PCDHGA4: variants seen among roughly 807,000 people sequenced by gnomAD.
PCDHGA4 encodes the protein protocadherin gamma subfamily A, 4, also known as protocadherin gamma-A4.
PCDHGA4 carries 38 observed loss-of-function variants against 54.6 expected under a neutral mutation model. The ratio of observed to expected loss-of-function variants is 0.70; its 90% confidence interval spans 0.54 to 0.91. The LOEUF (loss-of-function observed/expected upper bound fraction) is 0.91. PCDHGA4 is among the 40% of genes least tolerant of loss of function. The pLI is 0.00. For synonymous variants in PCDHGA4, 511 were observed against 512.9 expected (o/e 1.00, Z 0.05); for missense variants, 1,298 against 1,220.9 (o/e 1.06, Z -0.94).
chr5:141,438,659 T>C (rs1290256383), intron 1 of PCDHGA4, among the ~76,000 whole-genome samples: 1 of 141,194 alleles, frequency 7.1e-6, no homozygotes, highest in East Asian at 2.1e-4. Flanking sequence ...CACATATATG[T>C]ATATATATAT....
intron 1 of PCDHGA4, chr5:141,360,661 G>T (rs779342119): frequency 6.2e-7 from 1 of 1,613,944 alleles, no homozygotes; most frequent in Middle Eastern, 1.6e-4. Flanking sequence ...TAATGACAAC[G>T]AGTACTTTGA....
At chr5:141,410,535 A>T (rs2095405545) in intron 1 of PCDHGA4, 9 of 1,613,752 alleles carry the variant, frequency 5.6e-6, no homozygotes, top group Non-Finnish European at 7.6e-6. Context: ...TCCAATGAAG[A>T]CATGGTTTGC....
chr5:141,421,312 GC>G, intron 1 of PCDHGA4: 1 of 1,613,748 alleles, frequency 6.2e-7, no homozygotes, highest in Non-Finnish European at 8.5e-7. Flanking sequence ...GGGGTTCCGG[GC>G]CAGGCAGATC....
chr5:141,412,357 T>A (rs756056496), intron 1 of PCDHGA4: 17 of 152,366 alleles, frequency 1.1e-4, no homozygotes, highest in Middle Eastern at 3.4e-3. Context: ...TAGTTTGTGA[T>A]TACCTGCTTA....
chr5:141,456,140 G>A (rs1032104368), intron 1 of PCDHGA4, among the ~76,000 whole-genome samples: 38 of 152,022 alleles, frequency 2.5e-4, no homozygotes, highest in African/African-American at 8.7e-4. Flanking sequence ...CTCCTGATCC[G>A]CCCGCCTCGG....
chr5:141,379,862 T>G (rs1157385498), intron 1 of PCDHGA4, among the ~76,000 whole-genome samples: 2 of 150,480 alleles, frequency 1.3e-5, no homozygotes, highest in African/African-American at 4.9e-5. Flanking sequence ...TATTGTCTTA[T>G]TCTTATTTTA....
chr5:141,386,009 G>T (rs956571005), intron 1 of PCDHGA4: 7 of 152,222 alleles, frequency 4.6e-5, no homozygotes, highest in Non-Finnish European at 8.8e-5. Context: ...CATTTTAAGT[G>T]TTGTAATTGG....
chr5:141,355,396 A>T lies in PCDHGA4; in HGVS notation c.289A>T (p.Ile97Phe), dbSNP rs1561508735. The T allele has an allele frequency of 6.2e-7, 1 of 1,614,080 alleles. No homozygotes were observed. Among genetic ancestry groups the T allele is most frequent in the Non-Finnish European group, 8.5e-7 (1 of 1,179,914 alleles). ...GGAGCTGGCGGAGCGCGGAGTCCGC[A>T]TCGTCTCCAGAGGTAGGACGCAGCT... ...PRELAERGVR[I>F]VSRGRTQLFA... Residue 97 changes from isoleucine (I) to phenylalanine (F), a missense_variant, in exon 1 of 4, where the codon ATC becomes TTC. Physicochemically the swap from Ile to Phe is conservative, Grantham distance 21. Coordinates refer to ENST00000571252, the MANE Select transcript of PCDHGA4 (RefSeq NM_018917.4).
intron 1 of PCDHGA4, chr5:141,394,900 C>T (rs959646500): frequency 3.7e-6 from 6 of 1,613,748 alleles, no homozygotes; most frequent in Non-Finnish European, 3.4e-6. Context: ...CTCGTGGTGG[C>T]AGTGGCTGCC....
chr5:141,500,184 TTTTA>T (rs58019021), intron 2 of PCDHGA4, among the ~76,000 whole-genome samples: 6,359 of 135,894 alleles, frequency 0.047, 285 homozygotes, highest in African/African-American at 0.12. Context: ...TCATTTTTAT[TTTTA>T]TTTATTTATT....
In PCDHGA4 at chr5:141,360,397, G is replaced by A. The variant is rs776903612; in HGVS notation, c.2514+2776G>A. Reference sequence around the variant, plus strand: ...AGAAAGCGGAGACTTACTTGTGAGTGACAGAATAGACCGAGAACAGATATG... The same window carrying A: ...AGAAAGCGGAGACTTACTTGTGAGTAACAGAATAGACCGAGAACAGATATG... On this transcript the variant is annotated intron_variant, in intron 1 of 3. Coordinates refer to ENST00000571252, the MANE Select transcript of PCDHGA4 (RefSeq NM_018917.4). 4.3e-6 allele frequency: 7 copies of A among 1,613,928 alleles called. No individual in the cohort carries two copies. The highest frequency in any genetic ancestry group is 2.2e-5 in the East Asian group (1 of 44,868).
In PCDHGA4 at chr5:141,487,000, G is replaced by T. The variant is rs1410493699; in HGVS notation, c.2515-7807G>T. 2 of 1,614,076 alleles carry T rather than the reference G, an allele frequency of 1.2e-6. No homozygotes were observed. Among genetic ancestry groups the T allele is most frequent in the Non-Finnish European group, 1.7e-6 (2 of 1,180,044 alleles). On this transcript the variant is annotated intron_variant, in intron 1 of 3. Coordinates refer to ENST00000571252, the MANE Select transcript of PCDHGA4 (RefSeq NM_018917.4). The surrounding 1 kb of genome is among the most constrained non-coding windows in gnomAD (Gnocchi z 5.0). Reference sequence around the variant, plus strand: ...GTTACAATGCTTGGGTTTCCTATCAGCTCCTGGAGGCCCCAGATCCCAGCC... The same window carrying T: ...GTTACAATGCTTGGGTTTCCTATCATCTCCTGGAGGCCCCAGATCCCAGCC...
Position 141,489,079 on chromosome 5 carries a change from C to CCCCA in PCDHGA4, c.2515-5727_2515-5726insCCAC. ...CTCCCCTCCCCCCTGCCCACCCCCGCCACTCGGTGACTAAGAACTGCTGCA... is the reference window on the plus strand; with the variant it reads ...CTCCCCTCCCCCCTGCCCACCCCCGCCCCACACTCGGTGACTAAGAACTGCTGCA... On this transcript the variant is annotated intron_variant, in intron 1 of 3. Transcript: ENST00000571252. This position sits in a 1 kb window ranked among gnomAD's most constrained non-coding sequence, Gnocchi z 4.5. The CCCCA allele has an allele frequency of 9.1e-6, 3 of 329,992 alleles. No homozygotes were observed. Among genetic ancestry groups the CCCCA allele is most frequent in the African/African-American group, 2.4e-5 (1 of 41,312 alleles). The allele number at this position is 329,992 out of a possible 1,614,324, so 20.4% of individuals were successfully genotyped here.
rs774153595 is a variant in PCDHGA4 at position 141,366,148 on chromosome 5, C to A, written c.2514+8527C>A. ...CAGGCCAGAACGCCTGGCTGTCCTA[C>A]CGCCTGCTTAAGGCCAGCGAGCCAG... On this transcript the variant is annotated intron_variant, in intron 1 of 3. Coordinates refer to ENST00000571252, the MANE Select transcript of PCDHGA4 (RefSeq NM_018917.4). 1.9e-6 allele frequency: 3 copies of A among 1,614,172 alleles called. No individual in the cohort carries two copies. The South Asian group carries it at 3.3e-5, about 18-fold the overall frequency.
At chr5:141,365,048 C>T (rs1211654942) in intron 1 of PCDHGA4, 2 of 1,613,776 alleles carry the variant, frequency 1.2e-6, no homozygotes, top group East Asian at 2.2e-5. Flanking sequence ...CGACAATGCG[C>T]CCCTGTTCAC....
In PCDHGA4 at chr5:141,392,992, C is replaced by A. The variant is rs1233401263; in HGVS notation, c.2514+35371C>A. ...CTGGGGCTGGACCCCCGGAAGCTGG[C>A]GAAGCACGGAGTCCGTATCGTCTCC... is the stretch of plus-strand genomic sequence containing the variant. On this transcript the variant is annotated intron_variant, in intron 1 of 3. Transcript: ENST00000571252. 5 of 1,613,818 alleles carry A rather than the reference C, an allele frequency of 3.1e-6. No homozygotes were observed. The Admixed American group carries it at 5.0e-5, about 16-fold the overall frequency.
chr5:141,369,146 G>A (rs1450558377), intron 1 of PCDHGA4, among the ~76,000 whole-genome samples: 4 of 152,168 alleles, frequency 2.6e-5, no homozygotes, highest in African/African-American at 7.2e-5. Context: ...AAAATGGCAT[G>A]TTATTGACCA....
chr5:141,483,255 GTTTT>G (rs147039946), intron 1 of PCDHGA4, among the ~76,000 whole-genome samples: 7,425 of 152,114 alleles, frequency 0.049, 355 homozygotes, highest in African/African-American at 0.13. Context: ...ATATCATGAG[GTTTT>G]TTTGTTTTAG....
intron 1 of PCDHGA4, among the ~76,000 whole-genome samples, chr5:141,474,669 C>T (rs983136753): frequency 6.6e-6 from 1 of 152,198 alleles, no homozygotes; most frequent in Non-Finnish European, 1.5e-5. Flanking sequence ...CCTACCTAAC[C>T]TATGTGCCTA....
Sources: gnomAD v4.1 joint callset for allele counts (sites outside exome capture counted in the v4.1 genomes callset) on GRCh38, gnomAD v4.1.1 for gene constraint, Gnocchi (gnomAD v3.1) non-coding constraint, MANE v1.5 for transcripts, NCBI Gene and HGNC (gene_info 2026-07-23, HGNC 2026-07-21) for gene names.